Variants in ATAD2B observed in about 807,000 individuals in gnomAD.
ATAD2B encodes ATPase family AAA domain containing 2B.
A neutral mutation model predicts 167.6 loss-of-function variants in ATAD2B; 40 were observed. That is an observed-to-expected ratio of 0.24 (90% CI 0.19 to 0.31). The LOEUF is 0.31. Ranked by LOEUF, ATAD2B falls within the 10% of genes least tolerant of loss-of-function variation. ATAD2B has a pLI of 1.00. For missense variants in ATAD2B, 1,242 were observed against 1,757.2 expected, an observed-to-expected ratio of 0.71 and a Z score of 5.24; for synonymous variants, 579 against 596.5, an observed-to-expected ratio of 0.97 and a Z score of 0.43.
At chr2:23,852,110 T>C (rs527942644) in intron 13 of ATAD2B, among the ~76,000 whole-genome samples, 8 of 152,276 alleles carry the variant, frequency 5.3e-5, no homozygotes, top group Non-Finnish European at 1.0e-4. Context: ...TAAGAATAAA[T>C]AGAAAACTTG....
intron 1 of ATAD2B, among the ~76,000 whole-genome samples, chr2:23,898,888 C>A (rs1468320220): frequency 1.3e-5 from 2 of 152,142 alleles, no homozygotes; most frequent in African/African-American, 4.8e-5. Context: ...GTGGCTCATG[C>A]CTGTAATCCC....
At chr2:23,836,863 T>G (rs1221183242) in intron 13 of ATAD2B, among the ~76,000 whole-genome samples, 1 of 152,028 alleles carries the variant, frequency 6.6e-6, no homozygotes, top group African/African-American at 2.4e-5. Context: ...GGGAAGGAAG[T>G]GCACACCAAT....
At chr2:23,696,423 C>G in the ATAD2B span, 1 of 1,551,482 alleles carries the variant, frequency 6.4e-7, no homozygotes, top group South Asian at 1.2e-5. This position sits in a 1 kb window ranked among gnomAD's most constrained non-coding sequence, Gnocchi z 5.5. Context: ...ATGACAGTCC[C>G]CCGCTGTCGG....
the ATAD2B span, among the ~76,000 whole-genome samples, chr2:23,718,429 G>A: frequency 2.0e-5 from 3 of 152,146 alleles, no homozygotes; most frequent in African/African-American, 7.2e-5. Context: ...TGAGAGTCAG[G>A]GGAAGATCAC....
chr2:23,904,386 A>T (rs1573366735), intron 1 of ATAD2B, among the ~76,000 whole-genome samples: 1 of 152,162 alleles, frequency 6.6e-6, no homozygotes, highest in Admixed American at 6.6e-5. Context: ...CTGACAGGGC[A>T]ATGTCTGTGA....
chr2:23,760,697 TATACACACACACAC>T (rs1393844992), intron 24 of ATAD2B, among the ~76,000 whole-genome samples: 6 of 118,006 alleles, frequency 5.1e-5, no homozygotes, highest in Non-Finnish European at 1.1e-4. Context: ...AATTTATATA[TATACACACACACAC>T]ACACACACAC....
At chr2:23,745,410 AAGGAAGGAAGGAAAGGG>A (rs1466337744), downstream of ATAD2B, among the ~76,000 whole-genome samples, 164 of 108,342 alleles carry the variant, frequency 1.5e-3, no homozygotes, top group African/African-American at 5.4e-3. Context: ...GGAAGGAAGG[AAGGAAGGAAGGAAAGGG>A]AAGGGAAGGG....
chr2:23,871,470 G>A lies in ATAD2B; in HGVS notation c.978-1709C>T, dbSNP rs112319596. On this transcript the variant is annotated intron_variant, in intron 8 of 27. Coordinates refer to ENST00000238789, the MANE Select transcript of ATAD2B (RefSeq NM_017552.4). ...CACTGACTCAGAGTCAACTCCCTTCGTGGCTTAATTTTCTGTCAAGCCTCA... is the reference window on the plus strand; with the variant it reads ...CACTGACTCAGAGTCAACTCCCTTCATGGCTTAATTTTCTGTCAAGCCTCA... Among the ~76,000 whole-genome samples, 251 of 152,230 alleles carry A rather than the reference G, an allele frequency of 1.6e-3. 2 individuals carry two copies. Among genetic ancestry groups the A allele is most frequent in the African/African-American group, 5.8e-3 (239 of 41,530 alleles).
chr2:23,769,456 T>TA (rs1319929089), intron 22 of ATAD2B, among the ~76,000 whole-genome samples: 1 of 151,912 alleles, frequency 6.6e-6, no homozygotes, highest in Non-Finnish European at 1.5e-5. Flanking sequence ...TATTTATAAA[T>TA]AAATAAATAA....
chr2:23,699,709 G>A, the ATAD2B span, among the ~76,000 whole-genome samples: 1 of 152,168 alleles, frequency 6.6e-6, no homozygotes, highest in African/African-American at 2.4e-5. Context: ...AGCCCTGGGG[G>A]CTGAATGCTG....
intron 1 of ATAD2B, among the ~76,000 whole-genome samples, chr2:23,917,202 C>A (rs1306861499): frequency 6.6e-6 from 1 of 152,208 alleles, no homozygotes; most frequent in African/African-American, 2.4e-5. Flanking sequence ...AACAAAGGAA[C>A]AAGCAAGCCT....
the ATAD2B span, among the ~76,000 whole-genome samples, chr2:23,738,806 T>A: frequency 3.3e-5 from 5 of 151,998 alleles, no homozygotes; most frequent in African/African-American, 1.2e-4. Flanking sequence ...AGGAAACCCA[T>A]CTCACGTGCA....
chr2:23,895,553 G>T (rs369370608), intron 2 of ATAD2B, among the ~76,000 whole-genome samples: 7 of 151,738 alleles, frequency 4.6e-5, no homozygotes, highest in African/African-American at 9.7e-5. Flanking sequence ...AAATTTTCAG[G>T]ACTATAAACA....
intron 13 of ATAD2B, among the ~76,000 whole-genome samples, chr2:23,838,579 T>C (rs1202574483): frequency 6.6e-6 from 1 of 152,216 alleles, no homozygotes; most frequent in Non-Finnish European, 1.5e-5. Context: ...TCAAATTCTG[T>C]CTCCTACATT....
At chr2:23,804,344 G>T (rs1189276267) in intron 18 of ATAD2B, among the ~76,000 whole-genome samples, 1 of 152,160 alleles carries the variant, frequency 6.6e-6, no homozygotes, top group Admixed American at 6.5e-5. Flanking sequence ...CAGATAGAGG[G>T]TGGGTGTCTG....
In ATAD2B at chr2:23,752,007, GA is replaced by G; in HGVS notation, c.*38del. On this transcript the variant is annotated 3_prime_UTR_variant, in exon 28 of 28. Coordinates refer to ENST00000238789, the MANE Select transcript of ATAD2B (RefSeq NM_017552.4). ...ATGGCTCAGAAGACTGCTCTGTGAG[GA>G]GCAGATTGGAGAGGATAAACCACTC... The G allele has an allele frequency of 6.8e-7, 1 of 1,480,352 alleles. No individual in the cohort carries two copies. The allele number at this position is 1,480,352 out of a possible 1,614,324, so 91.7% of individuals were successfully genotyped here.
chr2:23,815,472 G>A (rs1034406422), intron 17 of ATAD2B, among the ~76,000 whole-genome samples: 2 of 152,200 alleles, frequency 1.3e-5, no homozygotes, highest in African/African-American at 2.4e-5. Context: ...GTATGATACA[G>A]TCCAGCTATG....
At chr2:23,695,513 AAC>A in the ATAD2B span, 2 of 781,396 alleles carry the variant, frequency 2.6e-6, no homozygotes, top group Non-Finnish European at 4.0e-6. This position sits in a 1 kb window ranked among gnomAD's most constrained non-coding sequence, Gnocchi z 7.6. Flanking sequence ...TCCCAAGCCT[AAC>A]ACAGCCTGGA....
intron 19 of ATAD2B, among the ~76,000 whole-genome samples, chr2:23,797,535 T>A (rs1682811923): frequency 6.6e-6 from 1 of 152,126 alleles, no homozygotes; most frequent in African/African-American, 2.4e-5. Flanking sequence ...GATAGTGATA[T>A]AGCCACAATT....
Sources: gnomAD v4.1 joint callset for allele counts (sites outside exome capture counted in the v4.1 genomes callset) on GRCh38, gnomAD v4.1.1 for gene constraint, Gnocchi (gnomAD v3.1) non-coding constraint, MANE v1.5 for transcripts, NCBI Gene and HGNC (gene_info 2026-07-23, HGNC 2026-07-21) for gene names.